The following DPP6 variants were observed in gnomAD, a reference collection of about 807,000 sequenced individuals.
DPP6 encodes A-type potassium channel modulatory protein DPP6.
In DPP6, 69 loss-of-function variants were observed where a neutral mutation model predicts 122.6. That is an observed-to-expected ratio of 0.56 (90% confidence interval 0.46 to 0.69). The LOEUF is 0.69. Among genes scored for constraint, DPP6 ranks in the 30% least tolerant of loss-of-function variants. DPP6 has a pLI of 0.00. For missense variants in DPP6, 928 were observed against 1,116.9 expected (o/e 0.83, Z 2.41); for synonymous variants, 418 against 433.1 (o/e 0.97, Z 0.43).
At chr7:154,600,965 C>T (rs1833389577) in intron 5 of DPP6, among the ~76,000 whole-genome samples, 1 of 120,334 alleles carries the variant, frequency 8.3e-6, no homozygotes, top group African/African-American at 2.6e-5. Context: ...GTGGTACATG[C>T]CTGTAATCCC....
At chr7:154,646,860 TAGTC>T (rs1836517555) in intron 6 of DPP6, among the ~76,000 whole-genome samples, 2 of 152,196 alleles carry the variant, frequency 1.3e-5, no homozygotes, top group Non-Finnish European at 2.9e-5. Context: ...AAGCTGAAGG[TAGTC>T]AGTGACTGGA....
chr7:154,130,395 G>A (rs570176188), intron 1 of DPP6, among the ~76,000 whole-genome samples: 3 of 152,058 alleles, frequency 2.0e-5, no homozygotes, highest in African/African-American at 7.2e-5. Flanking sequence ...ACTGTAGGCC[G>A]GTTTCCTCAT....
At chr7:154,586,713 G>A (rs1249084599) in intron 5 of DPP6, among the ~76,000 whole-genome samples, 2 of 152,112 alleles carry the variant, frequency 1.3e-5, no homozygotes, top group African/African-American at 2.4e-5. Context: ...GCCACTAAAC[G>A]AGTCCTGAGT....
chr7:154,510,254 T>C (rs1825961815), intron 3 of DPP6, among the ~76,000 whole-genome samples: 2 of 152,020 alleles, frequency 1.3e-5, no homozygotes, highest in African/African-American at 2.4e-5. Context: ...GAGGAAGAAA[T>C]AGAACAAGCA....
rs1313003489 is a variant in DPP6, at chr7:154,540,525, C to T, written c.458-7C>T. 6.3e-7 allele frequency: 1 copy of T among 1,580,584 alleles called. No homozygotes were observed. Among genetic ancestry groups the T allele is most frequent in the Non-Finnish European group, 8.7e-7 (1 of 1,152,974 alleles). On this transcript the variant is annotated splice_region_variant and splice_polypyrimidine_tract_variant and intron_variant, in intron 3 of 25. Transcript: ENST00000377770. ...CATGTGGTTTTTTTCTACTTCCTCT[C>T]TTACAGATACAGAATTCATCTACAG... is the stretch of plus-strand genomic sequence containing the variant.
chr7:154,813,962 C>T (rs1334474005), intron 16 of DPP6, among the ~76,000 whole-genome samples: 1 of 138,836 alleles, frequency 7.2e-6, no homozygotes, highest in Non-Finnish European at 1.5e-5. Flanking sequence ...CTCACTGCAA[C>T]CTCCGCCTCC....
chr7:153,888,338 C>T (rs931410245), intron 1 of DPP6, among the ~76,000 whole-genome samples: 1 of 152,220 alleles, frequency 6.6e-6, no homozygotes. Flanking sequence ...CACTTCGTCC[C>T]CCAGGAGGGC....
intron 1 of DPP6, among the ~76,000 whole-genome samples, chr7:154,190,235 C>T (rs935975832): frequency 6.6e-6 from 1 of 152,144 alleles, no homozygotes; most frequent in Non-Finnish European, 1.5e-5. Context: ...GATGGAATGG[C>T]GCTGCCAGGA....
At chr7:153,783,756 C>T in the DPP6 span, among the ~76,000 whole-genome samples, 60 of 152,258 alleles carry the variant, frequency 3.9e-4, no homozygotes, top group Non-Finnish European at 5.7e-4. Context: ...TGAGTATGTC[C>T]ATACCCTACC....
intron 1 of DPP6, among the ~76,000 whole-genome samples, chr7:154,203,954 G>T (rs1387361963): frequency 6.6e-6 from 1 of 152,214 alleles, no homozygotes; most frequent in Admixed American, 6.5e-5. Context: ...AAATAGAAGT[G>T]CTTAATAAAT....
chr7:153,965,658 G>A (rs1563056706), intron 1 of DPP6, among the ~76,000 whole-genome samples: 3 of 151,920 alleles, frequency 2.0e-5, no homozygotes, highest in East Asian at 1.9e-4. Flanking sequence ...GACTACAGGC[G>A]CCCACCACCA....
At chr7:154,476,487 A>G (rs1481077130) in intron 3 of DPP6, among the ~76,000 whole-genome samples, 5 of 152,112 alleles carry the variant, frequency 3.3e-5, no homozygotes, top group Non-Finnish European at 7.3e-5. Context: ...AAACATGACA[A>G]CTCTCCTTGA....
intron 1 of DPP6, among the ~76,000 whole-genome samples, chr7:154,063,677 C>T (rs1802447252): frequency 7.2e-6 from 1 of 139,400 alleles, no homozygotes; most frequent in South Asian, 2.4e-4. Flanking sequence ...ACCCCCATCC[C>T]AGCGGGGGGA....
intron 1 of DPP6, among the ~76,000 whole-genome samples, chr7:154,178,011 A>G (rs1419867303): frequency 6.6e-6 from 1 of 152,092 alleles, no homozygotes; most frequent in African/African-American, 2.4e-5. Context: ...CATGAAGCCA[A>G]CCCACTGGTC....
chr7:154,227,215 G>GACACACAAACACACACACACACAC (rs1800657051), intron 1 of DPP6, among the ~76,000 whole-genome samples: 2 of 141,356 alleles, frequency 1.4e-5, no homozygotes, highest in Non-Finnish European at 3.0e-5. Context: ...GAAAATGAGG[G>GACACACAAACACACACACACACAC]ACACACACAC....
the DPP6 span, among the ~76,000 whole-genome samples, chr7:153,822,218 C>A: frequency 8.2e-6 from 1 of 121,446 alleles, no homozygotes; most frequent in African/African-American, 3.2e-5. Flanking sequence ...GAGATGGAGT[C>A]TCGCACTGTC....
chr7:154,169,140 A>T (rs1364748511), intron 1 of DPP6, among the ~76,000 whole-genome samples: 2 of 152,132 alleles, frequency 1.3e-5, no homozygotes, highest in African/African-American at 2.4e-5. Context: ...ATCAGTTGCT[A>T]TTCTGAGTCA....
At chr7:154,060,768 C>G (rs1324250488) in intron 1 of DPP6, among the ~76,000 whole-genome samples, 10 of 139,840 alleles carry the variant, frequency 7.2e-5, no homozygotes, top group Admixed American at 6.9e-4. Flanking sequence ...CCCTCTTCCC[C>G]CCCTGGCTCT....
At chr7:154,523,717 G>A (rs1219191698) in intron 3 of DPP6, among the ~76,000 whole-genome samples, 1 of 152,090 alleles carries the variant, frequency 6.6e-6, no homozygotes, top group Non-Finnish European at 1.5e-5. Context: ...CAGTTGTATT[G>A]TAGGCCCTCC....
Sources: gnomAD v4.1 joint callset for allele counts (sites outside exome capture counted in the v4.1 genomes callset) on GRCh38, gnomAD v4.1.1 for gene constraint, MANE v1.5 for transcripts, NCBI Gene and HGNC (gene_info 2026-07-23, HGNC 2026-07-21) for gene names.